Variants in GJA1 observed in about 807,000 individuals in gnomAD.
GJA1 encodes the protein gap junction protein alpha 1, also known as gap junction alpha-1 protein.
GJA1 carries 9 observed loss-of-function variants against 31.0 expected under a neutral mutation model. The ratio of observed to expected loss-of-function variants is 0.29; its 90% CI spans 0.17 to 0.51. The LOEUF is 0.51. Ranked by LOEUF, GJA1 falls within the 20% of genes least tolerant of loss-of-function variation. The pLI is 0.98. For synonymous variants in GJA1, 186 were observed against 180.1 expected, an observed-to-expected ratio of 1.03 and a Z score of -0.26; for missense variants, 278 against 468.8, an observed-to-expected ratio of 0.59 and a Z score of 3.76.
At chr6:121,436,743 C>A (rs1773669734) in intron 1 of GJA1, among the ~76,000 whole-genome samples, 1 of 152,160 alleles carries the variant, frequency 6.6e-6, no homozygotes, top group Non-Finnish European at 1.5e-5. Flanking sequence ...TGGGAGCTCC[C>A]CCCGCCAACA....
At chr6:121,443,210 A>C (rs1773826206) in intron 1 of GJA1, among the ~76,000 whole-genome samples, 1 of 152,178 alleles carries the variant, frequency 6.6e-6, no homozygotes, top group Admixed American at 6.5e-5. Context: ...AGGGAGGAAC[A>C]ACCAGTTGCC....
intron 1 of GJA1, among the ~76,000 whole-genome samples, chr6:121,438,794 G>A (rs977432823): frequency 6.6e-6 from 1 of 152,130 alleles, no homozygotes; most frequent in Non-Finnish European, 1.5e-5. Context: ...TTCCATGGGA[G>A]ATTAATGTAT....
In GJA1 at chr6:121,441,099, C is replaced by T. The variant is rs574029119; in HGVS notation, c.-17+5267C>T. 3.3e-5 allele frequency among the ~76,000 whole-genome samples: 5 copies of T among 152,286 alleles called. No homozygotes were observed. The South Asian group carries it at 6.2e-4, about 19-fold the overall frequency. On this transcript the variant is annotated intron_variant, in intron 1 of 1. Transcript: ENST00000282561. ...CTGGGACTACAGGTGCCCGCCACCA[C>T]GCCCGGCTAATTTTTTTGTATTTTT...
chr6:121,440,975 C>T (rs1341749972), intron 1 of GJA1, among the ~76,000 whole-genome samples: 2 of 150,766 alleles, frequency 1.3e-5, no homozygotes, highest in African/African-American at 4.9e-5. Context: ...CGGAGTCTCG[C>T]TCTGTCGCCC....
intron 1 of GJA1, among the ~76,000 whole-genome samples, chr6:121,444,453 C>T (rs1437072674): frequency 6.6e-6 from 1 of 152,156 alleles, no homozygotes; most frequent in Non-Finnish European, 1.5e-5. Context: ...AGCTTTATGG[C>T]TCAGCCATCT....
chr6:121,447,471 C>T lies in GJA1; in HGVS notation c.624C>T (p.Ile208=), dbSNP rs530633057. The change falls in exon 2 of 2, where the codon ATC becomes ATT. Residue 208 remains isoleucine, a synonymous_variant. Coordinates refer to ENST00000282561, the MANE Select transcript of GJA1 (RefSeq NM_000165.5). ...TCTCTCGCCCCACGGAGAAAACCATCTTCATCATCTTCATGCTGGTGGTGT... is the reference window on the plus strand; with the variant it reads ...TCTCTCGCCCCACGGAGAAAACCATTTTCATCATCTTCATGCTGGTGGTGT... ...CFLSRPTEKT[I]FIIFMLVVSL... The T allele has an allele frequency of 1.5e-5, 25 of 1,614,090 alleles. No individual in the cohort carries two copies. In the East Asian group the frequency reaches 5.1e-4, roughly 33 times the overall value.
intron 1 of GJA1, among the ~76,000 whole-genome samples, chr6:121,440,926 T>C (rs1465198998): frequency 4.0e-5 from 6 of 150,122 alleles, no homozygotes; most frequent in Non-Finnish European, 7.4e-5. Flanking sequence ...TTGTTGTTGT[T>C]GTTGTTGTTG....
chr6:121,447,884 A>T lies in GJA1; in HGVS notation c.1037A>T (p.Lys346Ile). The part of the protein sequence containing the change: ...DFPDDNQNSK[K>I]LAAGHELQPL... ...CCCGATGATAACCAGAATTCTAAAA[A>T]ACTAGCTGCTGGACATGAATTACAG... The change falls in exon 2 of 2, where the codon AAA becomes ATA. Residue 346 changes from lysine to isoleucine, a missense_variant. Lys to Ile is a moderately radical substitution (Grantham distance 102, BLOSUM62 -3). Transcript: ENST00000282561. The T allele has an allele frequency of 6.2e-7, 1 of 1,613,850 alleles. No homozygotes were observed. Among genetic ancestry groups the T allele is most frequent in the African/African-American group, 1.3e-5 (1 of 74,996 alleles).
At chr6:121,444,131 C>G (rs1179647481) in intron 1 of GJA1, among the ~76,000 whole-genome samples, 1 of 152,256 alleles carries the variant, frequency 6.6e-6, no homozygotes, top group East Asian at 1.9e-4. Context: ...ATTACTCCCT[C>G]ACTTCAAGCC....
At position 121,435,665 on chromosome 6, in the gene GJA1, C is replaced by T. The variant is rs1014516040; in HGVS notation, c.-184C>T. 15 of 152,136 alleles carry T rather than the reference C, an allele frequency of 9.9e-5. No individual in the cohort carries two copies. The highest frequency in any genetic ancestry group is 7.2e-4 in the Admixed American group (11 of 15,260). 9.4% of individuals were successfully genotyped at this position (152,136 alleles called of 1,614,324 possible). Reference sequence around the variant, plus strand: ...TTACAAAAAAGCTTTTACGAGGTATCAGCACTTTTCTTTCATTAGGGGGAA... The same window carrying T: ...TTACAAAAAAGCTTTTACGAGGTATTAGCACTTTTCTTTCATTAGGGGGAA... On this transcript the variant is annotated 5_prime_UTR_variant, in exon 1 of 2. Coordinates refer to ENST00000282561, the MANE Select transcript of GJA1 (RefSeq NM_000165.5).
intron 1 of GJA1, among the ~76,000 whole-genome samples, chr6:121,446,388 G>C (rs1773890706): frequency 6.6e-6 from 1 of 152,152 alleles, no homozygotes. Flanking sequence ...GTGTTTATAG[G>C]TATTCTTACC....
At position 121,447,751 on chromosome 6, in the gene GJA1, A is replaced by C; in HGVS notation, c.904A>C (p.Asn302His). Residue 302 changes from asparagine to histidine, a missense_variant, in exon 2 of 2, where the codon AAC (asparagine) becomes CAC (histidine). This residue lies in a region of GJA1 where 172 missense variants were observed against 190.9 expected (regional missense o/e 0.90). Coordinates refer to ENST00000282561, the MANE Select transcript of GJA1 (RefSeq NM_000165.5). ...AAACAATTCTTCTTGCCGCAATTAC[A>C]ACAAGCAAGCAAGTGAGCAAAACTG... ...DRNNSSCRNYNKQASEQNWAN... is the reference protein window; with the variant it reads ...DRNNSSCRNYHKQASEQNWAN... The C allele has an allele frequency of 6.2e-7, 1 of 1,614,034 alleles. No individual in the cohort carries two copies. Among genetic ancestry groups the C allele is most frequent in the South Asian group, 1.1e-5 (1 of 91,074 alleles).
In GJA1 at chr6:121,438,528, T is replaced by A. The variant is rs1489653867; in HGVS notation, c.-17+2696T>A. ...TTTTCTCTACATCCAGGGGTGTAGC[T>A]TGGTTTGAGCCTTTATATATGATAC... On this transcript the variant is annotated intron_variant, in intron 1 of 1. Transcript: ENST00000282561. Among the ~76,000 whole-genome samples, 435 of 152,306 alleles carry A rather than the reference T, an allele frequency of 2.9e-3. 2 individuals are homozygous for A. The highest frequency in any genetic ancestry group is 9.9e-3 in the African/African-American group (410 of 41,566).
chr6:121,449,652 G>A lies in GJA1; in HGVS notation c.*1656G>A, dbSNP rs1263222101. 1 of 167,064 alleles carries A rather than the reference G, an allele frequency of 6.0e-6. No homozygotes were observed. The highest frequency in any genetic ancestry group is 2.1e-4 in the South Asian group (1 of 4,824). The allele number at this position is 167,064 out of a possible 1,614,324, so 10.3% of individuals were successfully genotyped here. A position where few individuals can be genotyped will look rare whatever the true frequency, so the allele number is the denominator to read the frequency against. On this transcript the variant is annotated 3_prime_UTR_variant, in exon 2 of 2. Transcript: ENST00000282561. ...CATGTTCAGCTTCATTGCATGTAAT[G>A]TAGACCTAGTCCATCAGATCATGTG...
At position 121,447,845 on chromosome 6, in the gene GJA1, A is replaced by G. The variant is rs771214838; in HGVS notation, c.998A>G (p.Gln333Arg). ...AGCACCATCTCTAACTCCCATGCAC[A>G]GCCTTTTGATTTCCCCGATGATAAC... ...AGSTISNSHA[Q>R]PFDFPDDNQN... is the part of the protein sequence containing the mutation. Residue 333 changes from glutamine to arginine, a missense_variant, in exon 2 of 2, where the codon CAG (glutamine) becomes CGG (arginine). Gln to Arg is a conservative substitution (Grantham distance 43). This residue lies in a region of GJA1 where 172 missense variants were observed against 190.9 expected (regional missense o/e 0.90). Transcript: ENST00000282561. 8 of 1,613,896 alleles carry G rather than the reference A, an allele frequency of 5.0e-6. No individual in the cohort carries two copies. In the South Asian group the frequency reaches 5.5e-5, roughly 11 times the overall value.
intron 1 of GJA1, among the ~76,000 whole-genome samples, chr6:121,438,181 A>G (rs1773701194): frequency 1.3e-5 from 2 of 152,192 alleles, no homozygotes; most frequent in Admixed American, 6.5e-5. Flanking sequence ...GGTGCTTTGT[A>G]CTTCCCAAAG....
At chr6:121,443,720 G>A (rs1002945473) in intron 1 of GJA1, among the ~76,000 whole-genome samples, 6 of 152,266 alleles carry the variant, frequency 3.9e-5, no homozygotes, top group Admixed American at 2.6e-4. Context: ...TTTACTTTGA[G>A]TAATGATGAA....
intron 1 of GJA1, among the ~76,000 whole-genome samples, 193 bp downstream of exon 1, chr6:121,436,025 A>G (rs912124979): frequency 6.6e-6 from 1 of 152,174 alleles, no homozygotes; most frequent in African/African-American, 2.4e-5. Context: ...GACTGTTAAA[A>G]AAGTTTCTAT....
rs1554200672 is a variant in GJA1, at chr6:121,440,942, G to GTTT, written c.-17+5111_-17+5113dup. 3.3e-3 allele frequency among the ~76,000 whole-genome samples: 458 copies of GTTT among 137,242 alleles called. 8 individuals are homozygous for GTTT. Among genetic ancestry groups the GTTT allele is most frequent in the Admixed American group, 4.5e-3 (64 of 14,310 alleles). The allele number at this position is 137,242 out of a possible 152,430, so 90.0% of individuals were successfully genotyped here. A position where few individuals can be genotyped will look rare whatever the true frequency, so the allele number is the denominator to read the frequency against. ...TGTTGTTGTTGTTGTTGTTGTTGTT[G>GTTT]TTTGTCGTTTTTTTCTTTGAGACGG... On this transcript the variant is annotated intron_variant, in intron 1 of 1. Transcript: ENST00000282561.
Sources: gnomAD v4.1 joint callset for allele counts (sites outside exome capture counted in the v4.1 genomes callset) on GRCh38, gnomAD v4.1.1 for gene constraint, gnomAD v4.1.1 regional missense constraint, MANE v1.5 for transcripts, NCBI Gene and HGNC (gene_info 2026-07-23, HGNC 2026-07-21) for gene names.